Variants in GPD1L observed in about 807,000 individuals in gnomAD.
The protein encoded by GPD1L is glycerol-3-phosphate dehydrogenase 1 like, also known as glycerol-3-phosphate dehydrogenase 1-like protein.
GPD1L carries 17 observed loss-of-function variants against 32.9 expected under a neutral mutation model. That is an observed-to-expected ratio of 0.52 (90% CI 0.35 to 0.78). The LOEUF is 0.78. Ranked by LOEUF, GPD1L falls within the 30% of genes least tolerant of loss-of-function variation. The pLI is 0.01. For missense variants in GPD1L, 361 were observed against 447.8 expected (o/e 0.81, Z 1.75); for synonymous variants, 187 against 165.9 (o/e 1.13, Z -0.98).
At chr3:32,116,939 T>G (rs1320251072) in intron 1 of GPD1L, among the ~76,000 whole-genome samples, 1 of 152,258 alleles carries the variant, frequency 6.6e-6, no homozygotes, top group Non-Finnish European at 1.5e-5. Context: ...GTGTTCTAAG[T>G]TACACAGATA....
intron 1 of GPD1L, among the ~76,000 whole-genome samples, chr3:32,108,638 C>G (rs1700199774): frequency 6.6e-6 from 1 of 152,252 alleles, no homozygotes; most frequent in Admixed American, 6.5e-5. Context: ...TTATGAATTA[C>G]TTCTGTCCTT....
At position 32,162,212 on chromosome 3, in the gene GPD1L, A is replaced by G. The variant is rs1324653848; in HGVS notation, c.959+2538A>G. On this transcript the variant is annotated intron_variant, in intron 7 of 7. Transcript: ENST00000282541. ...GGTCCCTACCAGCTTGAGCATTCAC[A>G]TTCAGAGGCCTCCTGCTCTTATAGA... Among the ~76,000 whole-genome samples the G allele has an allele frequency of 2.0e-5, 3 of 152,184 alleles. No individual in the cohort carries two copies. The East Asian group carries it at 5.8e-4, about 29-fold the overall frequency.
intron 5 of GPD1L, among the ~76,000 whole-genome samples, chr3:32,152,285 T>A (rs1021480457): frequency 6.6e-6 from 1 of 152,204 alleles, no homozygotes. Context: ...AGAATGTATA[T>A]GACAATTCTA....
chr3:32,121,892 T>C (rs7622474), intron 1 of GPD1L, among the ~76,000 whole-genome samples: 11,885 of 151,130 alleles, frequency 0.079, 1,311 homozygotes, highest in African/African-American at 0.24. Flanking sequence ...GTCCTCAGCC[T>C]CCTGAGGAGC....
chr3:32,158,847 G>A (rs1277768428), intron 5 of GPD1L, 29 bp from the exon 6 acceptor site: 1 of 1,609,164 alleles, frequency 6.2e-7, no homozygotes, highest in East Asian at 2.2e-5. Flanking sequence ...TGCTGTAACG[G>A]CATCTGGGCT....
chr3:32,109,416 T>G (rs1004809023), intron 1 of GPD1L, among the ~76,000 whole-genome samples: 3 of 152,172 alleles, frequency 2.0e-5, no homozygotes, highest in Non-Finnish European at 4.4e-5. Flanking sequence ...TGCCCGTGGC[T>G]TCTTCATTCT....
intron 1 of GPD1L, among the ~76,000 whole-genome samples, chr3:32,119,777 G>C (rs4395429): frequency 0.41 from 62,922 of 151,948 alleles, 14,840 homozygotes; most frequent in East Asian, 0.64. Context: ...AAAGGACCAC[G>C]CTTTTGCCCA....
chr3:32,151,575 GC>G (rs1700920364), intron 5 of GPD1L: 1 of 216,022 alleles, frequency 4.6e-6, no homozygotes, highest in Non-Finnish European at 9.0e-6. Flanking sequence ...TGCCTCCTGG[GC>G]TCAAGTGATC....
intron 4 of GPD1L, among the ~76,000 whole-genome samples, chr3:32,141,393 T>A (rs909714000): frequency 6.6e-6 from 1 of 152,196 alleles, no homozygotes. Context: ...CCTTTTTTAC[T>A]ATTTGTATGA....
Position 32,133,689 on chromosome 3 carries a change from A to G in GPD1L, c.226-4898A>G, listed in dbSNP as rs76540457. ...TTAGTCCTAATTGGTTTTAAAGACCATAAAATAGCATCTTTGGAGGGTGAG... is the reference window on the plus strand; with the variant it reads ...TTAGTCCTAATTGGTTTTAAAGACCGTAAAATAGCATCTTTGGAGGGTGAG... On this transcript the variant is annotated intron_variant, in intron 2 of 7. Coordinates refer to ENST00000282541, the MANE Select transcript of GPD1L (RefSeq NM_015141.4). 0.024 allele frequency among the ~76,000 whole-genome samples: 3,607 copies of G among 152,308 alleles called. 297 individuals are homozygous for G. In the East Asian group the frequency reaches 0.25, roughly 11 times the overall value.
intron 2 of GPD1L, among the ~76,000 whole-genome samples, chr3:32,135,624 T>C (rs887211112): frequency 2.0e-5 from 3 of 152,098 alleles, no homozygotes; most frequent in Non-Finnish European, 4.4e-5. Flanking sequence ...GGCTAATTTT[T>C]ATATTTTTAG....
intron 5 of GPD1L, among the ~76,000 whole-genome samples, chr3:32,156,410 T>C (rs908000314): frequency 1.3e-5 from 2 of 152,326 alleles, no homozygotes; most frequent in East Asian, 1.9e-4. Flanking sequence ...CCTTTCTATG[T>C]TGACTGCAAT....
chr3:32,148,982 T>C (rs1478967791), intron 5 of GPD1L, among the ~76,000 whole-genome samples: 1 of 152,248 alleles, frequency 6.6e-6, no homozygotes, highest in Non-Finnish European at 1.5e-5. Context: ...CCAATGTTTT[T>C]AGTGTGTACC....
intron 2 of GPD1L, among the ~76,000 whole-genome samples, chr3:32,134,594 C>G (rs1376991682): frequency 6.6e-6 from 1 of 152,188 alleles, no homozygotes; most frequent in Non-Finnish European, 1.5e-5. Context: ...TCAAGTGATC[C>G]TCCCACCTCA....
chr3:32,153,100 G>A (rs912119718), intron 5 of GPD1L, among the ~76,000 whole-genome samples: 1 of 152,192 alleles, frequency 6.6e-6, no homozygotes, highest in African/African-American at 2.4e-5. Flanking sequence ...GGTACAGGCT[G>A]GTGGTGTTCC....
Position 32,158,865 on chromosome 3 carries a change from C to T in GPD1L, c.619-11C>T. 1.2e-6 allele frequency: 2 copies of T among 1,613,258 alleles called. No homozygotes were observed. Among genetic ancestry groups the T allele is most frequent in the Non-Finnish European group, 1.7e-6 (2 of 1,179,584 alleles). On this transcript the variant is annotated splice_polypyrimidine_tract_variant and intron_variant, in intron 5 of 7. Coordinates refer to ENST00000282541, the MANE Select transcript of GPD1L (RefSeq NM_015141.4). ...TGTAACGGCATCTGGGCTTTGTCAT[C>T]TCCTTTGCAGAACATCGTAGCTGTG...
At chr3:32,148,706 G>A (rs977897492) in intron 5 of GPD1L, among the ~76,000 whole-genome samples, 17 of 152,176 alleles carry the variant, frequency 1.1e-4, no homozygotes, top group Non-Finnish European at 1.8e-4. Flanking sequence ...TTTGGTTACT[G>A]TGTACCACTT....
At chr3:32,144,861 G>A (rs1205705730) in intron 4 of GPD1L, among the ~76,000 whole-genome samples, 1 of 149,954 alleles carries the variant, frequency 6.7e-6, no homozygotes, top group Non-Finnish European at 1.5e-5. Context: ...ACACCACCAC[G>A]CCAGGCTAAT....
intron 1 of GPD1L, among the ~76,000 whole-genome samples, chr3:32,123,035 G>A (rs944345524): frequency 1.3e-5 from 2 of 151,992 alleles, no homozygotes; most frequent in Admixed American, 6.6e-5. Context: ...CTCCTGAGTC[G>A]CTAGGACTAC....
Sources: allele counts gnomAD v4.1 joint callset (sites outside exome capture counted in the v4.1 genomes callset), GRCh38; gene constraint gnomAD v4.1.1; transcripts MANE v1.5; gene names NCBI Gene and HGNC (gene_info 2026-07-23, HGNC 2026-07-21).